The following CEP192 variants were observed in gnomAD, a reference collection of about 807,000 sequenced individuals.
CEP192 encodes the protein centrosomal protein of 192 kDa.
Under a neutral mutation model 271.8 loss-of-function variants are expected in CEP192, and 151 were observed. The ratio of observed to expected loss-of-function variants is 0.56; its 90% CI spans 0.49 to 0.64. The LOEUF is 0.64. Ranked by LOEUF, CEP192 falls within the 30% of genes least tolerant of loss-of-function variation. The pLI, the probability that CEP192 is intolerant of heterozygous loss-of-function variation, is 0.00. For missense variants in CEP192, 2,910 were observed against 3,020.5 expected, an observed-to-expected ratio of 0.96 and a Z score of 0.86; for synonymous variants, 995 against 1,076.5, an observed-to-expected ratio of 0.92 and a Z score of 1.48.
Position 13,096,655 on chromosome 18 carries a change from G to T in CEP192, c.6557+348G>T, listed in dbSNP as rs1436446150. 6.6e-5 allele frequency among the ~76,000 whole-genome samples: 10 copies of T among 152,290 alleles called. No homozygotes were observed. The East Asian group carries it at 1.7e-3, about 26-fold the overall frequency. The stretch of plus-strand genomic sequence containing the variant: ...GGAATGCAACTGGACATGGGATGAG[G>T]GGTCGCGATGTGTCCCGAGCCCAAA... On this transcript the variant is annotated intron_variant, in intron 36 of 44. Coordinates refer to ENST00000506447, the MANE Select transcript of CEP192 (RefSeq NM_032142.4).
At chr18:13,007,179 G>T (rs1480177308) in intron 3 of CEP192, among the ~76,000 whole-genome samples, 1 of 152,162 alleles carries the variant, frequency 6.6e-6, no homozygotes, top group Non-Finnish European at 1.5e-5. Flanking sequence ...AGAATCTGGG[G>T]TAAGCGTGGG....
rs2039756818 is a variant in CEP192 at position 13,102,498 on chromosome 18, C to T, written c.6872-1011C>T. On this transcript the variant is annotated intron_variant, in intron 38 of 44. Coordinates refer to ENST00000506447, the MANE Select transcript of CEP192 (RefSeq NM_032142.4). ...ACCCCTGTCTCAGCAGCCCCCTGCC[C>T]TCACTTCCTTAGGCCATGGCTGCTG... Among the ~76,000 whole-genome samples the T allele has an allele frequency of 2.0e-5, 3 of 152,180 alleles. 1 individual carries two copies. The South Asian group carries it at 6.2e-4, about 31-fold the overall frequency.
chr18:13,067,124 A>AT (rs546124687), intron 21 of CEP192, among the ~76,000 whole-genome samples: 1 of 152,000 alleles, frequency 6.6e-6, no homozygotes, highest in African/African-American at 2.4e-5. Context: ...ATGTACAGAC[A>AT]TTTTTTTCTT....
At chr18:13,112,111 G>A (rs2040236133) in intron 40 of CEP192, among the ~76,000 whole-genome samples, 1 of 152,210 alleles carries the variant, frequency 6.6e-6, no homozygotes, top group Non-Finnish European at 1.5e-5. Flanking sequence ...TGACCCAGCA[G>A]TTCCACTTCT....
At chr18:13,032,436 G>T (rs1178842616) in intron 11 of CEP192, among the ~76,000 whole-genome samples, 1 of 152,154 alleles carries the variant, frequency 6.6e-6, no homozygotes, top group Non-Finnish European at 1.5e-5. Flanking sequence ...CTGAGTTGCG[G>T]TTAGGACTTG....
At chr18:13,106,387 TCAC>T (rs747776686) in intron 40 of CEP192, among the ~76,000 whole-genome samples, 23 of 117,720 alleles carry the variant, frequency 2.0e-4, no homozygotes, top group Non-Finnish European at 4.0e-4. Flanking sequence ...ACCACCACCA[TCAC>T]CACCACTACT....
intron 28 of CEP192, among the ~76,000 whole-genome samples, chr18:13,071,428 A>G (rs1223474389): frequency 6.6e-6 from 1 of 152,210 alleles, no homozygotes; most frequent in Non-Finnish European, 1.5e-5. Context: ...CCAACAATAC[A>G]GTTACTGCTG....
intron 9 of CEP192, among the ~76,000 whole-genome samples, chr18:13,019,972 G>A (rs1389065480): frequency 6.6e-6 from 1 of 151,574 alleles, no homozygotes; most frequent in Non-Finnish European, 1.5e-5. Context: ...ATCACCACCT[G>A]GTTAATTTTT....
chr18:13,110,513 G>A (rs1374781498), intron 40 of CEP192, among the ~76,000 whole-genome samples: 1 of 152,050 alleles, frequency 6.6e-6, no homozygotes, highest in East Asian at 1.9e-4. Flanking sequence ...GGGAGAACTG[G>A]ATAGCCACAT....
chr18:13,081,230 T>G (rs536138129), intron 30 of CEP192, among the ~76,000 whole-genome samples: 3 of 152,370 alleles, frequency 2.0e-5, no homozygotes, highest in African/African-American at 7.2e-5. Flanking sequence ...AGCTCCTCTT[T>G]GTACCTCTGG....
intron 30 of CEP192, among the ~76,000 whole-genome samples, chr18:13,082,432 CTTTTTT>C (rs57663388): frequency 3.2e-4 from 16 of 49,942 alleles, no homozygotes; most frequent in African/African-American, 1.5e-3. Context: ...GCAACCCCTG[CTTTTTT>C]TTTTTTTTTT....
intron 33 of CEP192, among the ~76,000 whole-genome samples, chr18:13,090,217 T>C (rs1168990510): frequency 6.6e-6 from 1 of 152,222 alleles, no homozygotes; most frequent in Non-Finnish European, 1.5e-5. Context: ...AAGCTAGAAG[T>C]AACCTTAATG....
intron 11 of CEP192, among the ~76,000 whole-genome samples, chr18:13,036,383 G>A (rs2035918697): frequency 6.6e-6 from 1 of 152,176 alleles, no homozygotes; most frequent in African/African-American, 2.4e-5. Flanking sequence ...ACACATGATA[G>A]TGGGGAGCCT....
chr18:13,024,350 TC>T (rs1156437684), intron 9 of CEP192: 1 of 456,312 alleles, frequency 2.2e-6, no homozygotes, highest in Non-Finnish European at 4.4e-6. Flanking sequence ...TATATCTTTC[TC>T]CATCCATTTA....
intron 4 of CEP192, among the ~76,000 whole-genome samples, chr18:13,012,300 G>A (rs962609207): frequency 6.6e-6 from 1 of 152,030 alleles, no homozygotes; most frequent in African/African-American, 2.4e-5. Context: ...TTAATTGTAT[G>A]TATCAATTAA....
intron 36 of CEP192, among the ~76,000 whole-genome samples, chr18:13,097,968 C>G (rs573509897): frequency 1.3e-5 from 2 of 152,264 alleles, no homozygotes; most frequent in Admixed American, 1.3e-4. Flanking sequence ...GGGGTAAGGT[C>G]ATAGATCAAC....
At chr18:13,018,964 T>C (rs191684057) in intron 8 of CEP192, 118 bp from the exon 9 acceptor site, 24 of 962,588 alleles carry the variant, frequency 2.5e-5, no homozygotes, top group Admixed American at 7.3e-5. Context: ...GCTAAATTTG[T>C]CATAGGAGTG....
rs143953392 is a variant in CEP192, at chr18:13,038,636, T to G, written c.1809+57T>G. 20 of 1,273,006 alleles carry G rather than the reference T, an allele frequency of 1.6e-5. No individual in the cohort carries two copies. The African/African-American group carries it at 3.0e-4, about 19-fold the overall frequency. The allele number at this position is 1,273,006 out of a possible 1,614,324, so 78.9% of individuals were successfully genotyped here. ...GTCACCAGATTTTAGATTTTGAGTA[T>G]TATGATGGCACAGTGACTTTAAAAT... On this transcript the variant is annotated intron_variant, in intron 13 of 44. Coordinates refer to ENST00000506447, the MANE Select transcript of CEP192 (RefSeq NM_032142.4).
In CEP192 at chr18:13,103,501, C is replaced by G. The variant is rs778718665; in HGVS notation, c.6872-8C>G. On this transcript the variant is annotated splice_region_variant and splice_polypyrimidine_tract_variant and intron_variant, in intron 38 of 44. Transcript: ENST00000506447. ...GAGTTTGAGTTATGATATATGTGTT[C>G]CTTTTAGAGAGCTGTCTAGAACTCG... The G allele has an allele frequency of 3.7e-6, 6 of 1,610,752 alleles. No individual in the cohort carries two copies. The highest frequency in any genetic ancestry group is 3.4e-6 in the Non-Finnish European group (4 of 1,177,144).
Sources: allele counts gnomAD v4.1 joint callset (sites outside exome capture counted in the v4.1 genomes callset), GRCh38; gene constraint gnomAD v4.1.1; transcripts MANE v1.5; gene names NCBI Gene and HGNC (gene_info 2026-07-23, HGNC 2026-07-21).